The following KALRN variants were observed in gnomAD, a reference collection of about 807,000 sequenced individuals.
KALRN encodes the protein kalirin.
A neutral mutation model predicts 353.7 loss-of-function variants in KALRN; 70 were observed. That is an observed-to-expected ratio of 0.20 (90% CI 0.16 to 0.24). The LOEUF (loss-of-function observed/expected upper bound fraction) is 0.24, where lower values mean the gene tolerates loss of function less well. KALRN is among the 10% of genes least tolerant of loss of function. The pLI, the probability that KALRN is intolerant of heterozygous loss-of-function variation, is 1.00. For synonymous variants in KALRN, 1,391 were observed against 1,434.8 expected (o/e 0.97, Z 0.69); for missense variants, 2,791 against 3,756.7 (o/e 0.74, Z 6.72).
At chr3:124,587,502 G>C (rs758399594) in intron 34 of KALRN, among the ~76,000 whole-genome samples, 1 of 152,174 alleles carries the variant, frequency 6.6e-6, no homozygotes, top group Non-Finnish European at 1.5e-5. Context: ...GCTACATTGG[G>C]ATTTCTCTGG....
chr3:124,675,518 C>CTTTTT (rs67279805), intron 49 of KALRN: 1 of 114,604 alleles, frequency 8.7e-6, no homozygotes. Context: ...TCCTCTTCTT[C>CTTTTT]TTTTTTTTTT....
intron 3 of KALRN, among the ~76,000 whole-genome samples, chr3:124,253,299 CCTTT>C: frequency 6.6e-6 from 1 of 152,318 alleles, no homozygotes; most frequent in South Asian, 2.1e-4. Flanking sequence ...ACTCCAGGAA[CCTTT>C]CTTTCTCCTC....
intron 34 of KALRN, among the ~76,000 whole-genome samples, chr3:124,599,150 G>A (rs1251878080): frequency 2.0e-5 from 3 of 152,158 alleles, no homozygotes; most frequent in Non-Finnish European, 4.4e-5. Flanking sequence ...TATTATTTGT[G>A]TTCTCTACCA....
At chr3:124,361,987 T>A (rs2084097986) in intron 10 of KALRN, among the ~76,000 whole-genome samples, 1 of 152,096 alleles carries the variant, frequency 6.6e-6, no homozygotes, top group African/African-American at 2.4e-5. Context: ...AGGTGGGCAA[T>A]GCTTTCCAGC....
intron 3 of KALRN, among the ~76,000 whole-genome samples, chr3:124,259,174 A>G (rs2072491332): frequency 2.6e-5 from 4 of 152,214 alleles, no homozygotes. Context: ...AGGCGGTGAA[A>G]ATGCATCACA....
At chr3:124,552,675 G>C (rs2070692800) in intron 33 of KALRN, among the ~76,000 whole-genome samples, 2 of 152,102 alleles carry the variant, frequency 1.3e-5, no homozygotes, top group Admixed American at 6.6e-5. Flanking sequence ...TTGAACCGTG[G>C]GTTTGGGAAT....
chr3:124,401,554 G>A lies in KALRN; in HGVS notation c.2346+2683G>A, dbSNP rs72978472. Among the ~76,000 whole-genome samples, 775 of 152,214 alleles carry A rather than the reference G, an allele frequency of 5.1e-3. 8 individuals are homozygous for A. Among genetic ancestry groups the A allele is most frequent in the African/African-American group, 0.018 (759 of 41,526 alleles). The stretch of plus-strand genomic sequence containing the variant: ...TAAATTATTGGATTTGCATTCTTTA[G>A]CCTTTGTATGTATAAAAATTCCTCG... On this transcript the variant is annotated intron_variant, in intron 13 of 59. Transcript: ENST00000682506.
intron 1 of KALRN, among the ~76,000 whole-genome samples, chr3:124,044,888 TC>T (rs779807612): frequency 0.42 from 27,503 of 65,480 alleles, 4,364 homozygotes; most frequent in East Asian, 0.61. Context: ...CTTCCTTCCT[TC>T]CTTCCTTCCT....
intron 25 of KALRN, among the ~76,000 whole-genome samples, chr3:124,463,227 A>T (rs924324014): frequency 6.6e-6 from 1 of 152,242 alleles, no homozygotes. Flanking sequence ...AGGATCAGCA[A>T]AAAAATTGGC....
chr3:124,545,635 C>G (rs754914627), intron 33 of KALRN, among the ~76,000 whole-genome samples: 4 of 152,140 alleles, frequency 2.6e-5, no homozygotes, highest in Non-Finnish European at 5.9e-5. Context: ...ACAACCTCAA[C>G]CCAGAGGCCA....
intron 13 of KALRN, among the ~76,000 whole-genome samples, chr3:124,403,195 G>A (rs1318992949): frequency 1.3e-5 from 2 of 152,164 alleles, no homozygotes; most frequent in African/African-American, 2.4e-5. Flanking sequence ...TGGTCAGAGT[G>A]AGACTCCAGC....
rs191464906 is a variant in KALRN, at chr3:124,344,769, G to C, written c.1648-2374G>C. Among the ~76,000 whole-genome samples the C allele has an allele frequency of 9.0e-3, 1,368 of 152,270 alleles. 6 individuals are homozygous for C. The highest frequency in any genetic ancestry group is 0.013 in the Non-Finnish European group (868 of 68,018). ...GCAATCAAAGTTATGTTAAAGTGAAGTAAAAGCTTCTCAAATATGAAAGAA... is the reference window on the plus strand; with the variant it reads ...GCAATCAAAGTTATGTTAAAGTGAACTAAAAGCTTCTCAAATATGAAAGAA... On this transcript the variant is annotated intron_variant, in intron 9 of 59. Coordinates refer to ENST00000682506, the MANE Select transcript of KALRN (RefSeq NM_001388419.1).
intron 13 of KALRN, among the ~76,000 whole-genome samples, chr3:124,399,194 A>G (rs1410241858): frequency 6.6e-6 from 1 of 152,124 alleles, no homozygotes; most frequent in Non-Finnish European, 1.5e-5. Flanking sequence ...GCTGAAGTGC[A>G]TTGGCGCGAT....
chr3:124,113,938 A>T (rs1445811404), intron 1 of KALRN, among the ~76,000 whole-genome samples: 1 of 152,232 alleles, frequency 6.6e-6, no homozygotes, highest in Admixed American at 6.5e-5. Flanking sequence ...TCCAAGGGCC[A>T]TGGTGAATAT....
chr3:124,129,451 C>T (rs913367270), intron 1 of KALRN, among the ~76,000 whole-genome samples: 1 of 152,204 alleles, frequency 6.6e-6, no homozygotes, highest in Non-Finnish European at 1.5e-5. Flanking sequence ...ACTTTACCCA[C>T]CCAACTAGAG....
chr3:124,303,248 G>GT (rs1368641196), intron 6 of KALRN, among the ~76,000 whole-genome samples: 5 of 152,138 alleles, frequency 3.3e-5, no homozygotes, highest in African/African-American at 1.2e-4. Flanking sequence ...CATAACATGT[G>GT]TTTTTGAATT....
At chr3:124,423,052 T>G in intron 15 of KALRN, 74 bp downstream of exon 15, 2 of 1,484,218 alleles carry the variant, frequency 1.3e-6, no homozygotes, top group Non-Finnish European at 1.9e-6. Flanking sequence ...GCTCCTGGTA[T>G]GAGGTAAGGC....
intron 34 of KALRN, among the ~76,000 whole-genome samples, chr3:124,619,298 G>A (rs2079007005): frequency 6.6e-6 from 1 of 151,872 alleles, no homozygotes; most frequent in Non-Finnish European, 1.5e-5. Flanking sequence ...ACATACATCA[G>A]TTTCTTTATT....
At chr3:124,470,262 G>A (rs1448376109) in intron 25 of KALRN, among the ~76,000 whole-genome samples, 1 of 152,100 alleles carries the variant, frequency 6.6e-6, no homozygotes, top group Non-Finnish European at 1.5e-5. Flanking sequence ...GGGCCAAATT[G>A]CTGCTATAGA....
Sources: gnomAD v4.1 joint callset for allele counts (sites outside exome capture counted in the v4.1 genomes callset) on GRCh38, gnomAD v4.1.1 for gene constraint, MANE v1.5 for transcripts, NCBI Gene and HGNC (gene_info 2026-07-23, HGNC 2026-07-21) for gene names.